Variants in DRC11 observed in about 807,000 individuals in gnomAD.
DRC11 encodes dynein regulatory complex subunit 11.
chr2:236,498,338 G>A, the DRC11 span, among the ~76,000 whole-genome samples: 73 of 152,014 alleles, frequency 4.8e-4, no homozygotes, highest in Middle Eastern at 0.014. Flanking sequence ...AGTGGCGCCC[G>A]CCTGTAGTCC....
chr2:236,491,046 G>GTATATATATATATA, the DRC11 span, among the ~76,000 whole-genome samples: 41 of 128,242 alleles, frequency 3.2e-4, no homozygotes, highest in African/African-American at 1.1e-3. Context: ...TATATATACA[G>GTATATATATATATA]TATATATATA....
the DRC11 span, chr2:236,408,719 GAA>G: frequency 1.4e-6 from 1 of 708,702 alleles, no homozygotes; most frequent in Non-Finnish European, 2.6e-6. The surrounding 1 kb of genome is among the most constrained non-coding windows in gnomAD (Gnocchi z 5.5). Flanking sequence ...AGTTGTTAGA[GAA>G]GTGCTTTTTG....
the DRC11 span, among the ~76,000 whole-genome samples, chr2:236,400,787 G>A: frequency 0.015 from 2,272 of 152,232 alleles, 59 homozygotes; most frequent in African/African-American, 0.052. This position sits in a 1 kb window ranked among gnomAD's most constrained non-coding sequence, Gnocchi z 7.9. Flanking sequence ...GCCTGAACAC[G>A]GTGCCCCCAC....
At chr2:236,359,537 A>T in the DRC11 span, among the ~76,000 whole-genome samples, 5 of 152,078 alleles carry the variant, frequency 3.3e-5, no homozygotes, top group Non-Finnish European at 7.4e-5. The surrounding 1 kb of genome is among the most constrained non-coding windows in gnomAD (Gnocchi z 4.3). Context: ...ACTTCTCTCT[A>T]GGAAGAATCC....
chr2:236,347,184 G>C, the DRC11 span, among the ~76,000 whole-genome samples: 23 of 152,174 alleles, frequency 1.5e-4, no homozygotes, highest in African/African-American at 5.3e-4. Flanking sequence ...TGAATGTGGG[G>C]GTGATCTGCA....
chr2:236,358,126 ATATATT>A, the DRC11 span, among the ~76,000 whole-genome samples: 3 of 117,254 alleles, frequency 2.6e-5, no homozygotes, highest in Non-Finnish European at 4.9e-5. Context: ...CTATATGAAT[ATATATT>A]TATAATATAT....
the DRC11 span, among the ~76,000 whole-genome samples, chr2:236,417,540 G>A: frequency 1.3e-4 from 19 of 151,606 alleles, no homozygotes; most frequent in African/African-American, 4.6e-4. Flanking sequence ...GCAGACTGGA[G>A]TCACAGCAGG....
At chr2:236,370,623 A>G in the DRC11 span, among the ~76,000 whole-genome samples, 1 of 152,178 alleles carries the variant, frequency 6.6e-6, no homozygotes, top group East Asian at 1.9e-4. This position sits in a 1 kb window ranked among gnomAD's most constrained non-coding sequence, Gnocchi z 5.5. Context: ...ACTGGCAAGA[A>G]GGACTGAGTT....
the DRC11 span, among the ~76,000 whole-genome samples, chr2:236,450,763 C>T: frequency 6.6e-6 from 1 of 151,994 alleles, no homozygotes; most frequent in African/African-American, 2.4e-5. Context: ...TCCTGGCTCT[C>T]CACTTTGTCT....
chr2:236,416,046 G>A, the DRC11 span, among the ~76,000 whole-genome samples: 1 of 152,118 alleles, frequency 6.6e-6, no homozygotes, highest in Admixed American at 6.6e-5. Context: ...AGGGCCCTAG[G>A]TGGTCTCCCA....
chr2:236,357,340 A>G, the DRC11 span, among the ~76,000 whole-genome samples: 1 of 80,560 alleles, frequency 1.2e-5, no homozygotes, highest in Admixed American at 1.2e-4. Context: ...ATATATGAAT[A>G]TATATATTAT....
At chr2:236,471,439 T>C in the DRC11 span, among the ~76,000 whole-genome samples, 3 of 152,232 alleles carry the variant, frequency 2.0e-5, no homozygotes, top group Admixed American at 2.0e-4. This position sits in a 1 kb window ranked among gnomAD's most constrained non-coding sequence, Gnocchi z 4.6. Context: ...TTCTATACCT[T>C]GCCAACACTG....
the DRC11 span, chr2:236,503,758 A>C: frequency 1.4e-6 from 2 of 1,451,618 alleles, no homozygotes; most frequent in Non-Finnish European, 1.9e-6. The surrounding 1 kb of genome is among the most constrained non-coding windows in gnomAD (Gnocchi z 4.9). Context: ...CCCCTCCCAC[A>C]CTGGACCGCC....
chr2:236,465,724 C>T, the DRC11 span: 1 of 1,535,966 alleles, frequency 6.5e-7, no homozygotes, highest in Non-Finnish European at 9.0e-7. The surrounding 1 kb of genome is among the most constrained non-coding windows in gnomAD (Gnocchi z 6.2). Flanking sequence ...AAAATATATA[C>T]AAGCAACAAG....
At chr2:236,474,206 A>G in the DRC11 span, among the ~76,000 whole-genome samples, 1 of 152,166 alleles carries the variant, frequency 6.6e-6, no homozygotes, top group Non-Finnish European at 1.5e-5. Flanking sequence ...CCAAGTGAAG[A>G]CACACTCAAA....
chr2:236,353,012 G>C, the DRC11 span, among the ~76,000 whole-genome samples: 1 of 152,090 alleles, frequency 6.6e-6, no homozygotes, highest in African/African-American at 2.4e-5. This position sits in a 1 kb window ranked among gnomAD's most constrained non-coding sequence, Gnocchi z 5.0. Context: ...AATAAATGAG[G>C]GCTCTGGCTC....
chr2:236,421,991 T>C, the DRC11 span, among the ~76,000 whole-genome samples: 4 of 152,180 alleles, frequency 2.6e-5, no homozygotes, highest in African/African-American at 9.7e-5. Flanking sequence ...GAAAAGGCCT[T>C]TGACAAAATT....
chr2:236,450,319 T>C, the DRC11 span, among the ~76,000 whole-genome samples: 491 of 134,670 alleles, frequency 3.6e-3, 2 homozygotes, highest in African/African-American at 9.9e-3. Flanking sequence ...CTTTTCTTTT[T>C]TTTTTTTTTT....
At chr2:236,357,028 T>C in the DRC11 span, among the ~76,000 whole-genome samples, 2 of 109,522 alleles carry the variant, frequency 1.8e-5, no homozygotes, top group African/African-American at 7.5e-5. Context: ...TATATCTATA[T>C]ATTTATATAT....
Sources: gnomAD v4.1 joint callset for allele counts (sites outside exome capture counted in the v4.1 genomes callset) on GRCh38, gnomAD v4.1.1 for gene constraint, Gnocchi (gnomAD v3.1) non-coding constraint, MANE v1.5 for transcripts, NCBI Gene and HGNC (gene_info 2026-07-23, HGNC 2026-07-21) for gene names.